MB21D2: variants seen among roughly 807,000 people sequenced by gnomAD.
MB21D2 encodes the protein Mab-21 domain containing 2.
MB21D2 carries 9 observed loss-of-function variants against 33.3 expected under a neutral mutation model. The ratio of observed to expected loss-of-function variants is 0.27; its 90% CI spans 0.16 to 0.47. The LOEUF is 0.47. Among genes scored for constraint, MB21D2 ranks in the 20% least tolerant of loss-of-function variants. The probability of loss-of-function intolerance (pLI) is 0.99; values close to 1 mark genes in which losing one functional copy is unlikely to be tolerated. For synonymous variants in MB21D2, 241 were observed against 236.3 expected, an observed-to-expected ratio of 1.02 and a Z score of -0.18; for missense variants, 540 against 624.6, an observed-to-expected ratio of 0.86 and a Z score of 1.44.
At chr3:192,826,965 C>A (rs2108618554) in intron 1 of MB21D2, among the ~76,000 whole-genome samples, 1 of 151,692 alleles carries the variant, frequency 6.6e-6, no homozygotes. Context: ...AATCTCAGCT[C>A]ACTGCAAGCT....
chr3:192,830,347 G>A lies in MB21D2; in HGVS notation c.212-30697C>T, dbSNP rs140205440. Among the ~76,000 whole-genome samples the A allele has an allele frequency of 3.3e-3, 504 of 151,958 alleles. 1 individual carries two copies. The highest frequency in any genetic ancestry group is 6.8e-3 in the African/African-American group (282 of 41,436). On this transcript the variant is annotated intron_variant, in intron 1 of 1. Transcript: ENST00000392452. ...TGAGCTCTGAATAATGCATTGACAC[G>A]TTTCATTTTAAGCACTGTTTAGGTT...
chr3:192,834,809 C>CTTTTTT lies in MB21D2; in HGVS notation c.212-35165_212-35160dup, dbSNP rs71177378. On this transcript the variant is annotated intron_variant, in intron 1 of 1. Transcript: ENST00000392452. ...GGTACAGATGTTTGAGAGGATTGTT[C>CTTTTTT]TTTTTTTTTTTTTTTTTTTTGAGAC... Among the ~76,000 whole-genome samples the CTTTTTT allele has an allele frequency of 2.5e-4, 30 of 119,832 alleles. 1 individual carries two copies. The highest frequency in any genetic ancestry group is 8.5e-4 in the African/African-American group (26 of 30,762). The allele number at this position is 119,832 out of a possible 152,430, so 78.6% of individuals were successfully genotyped here.
intron 1 of MB21D2, among the ~76,000 whole-genome samples, chr3:192,825,872 G>A (rs1712164221): frequency 6.6e-6 from 1 of 152,240 alleles, no homozygotes; most frequent in African/African-American, 2.4e-5. Flanking sequence ...GGACAATTCT[G>A]AATAAACAAG....
In MB21D2 at chr3:192,917,851, C is replaced by T. The variant is rs759585365; in HGVS notation, c.-11G>A. On this transcript the variant is annotated 5_prime_UTR_variant, in exon 1 of 2. Transcript: ENST00000392452. Reference sequence around the variant, plus strand: ...AGCCGCCATCTTCATGCAAAACGCGCCGAGTAGCAGCTCCGCGGCAGCGCG... The same window carrying T: ...AGCCGCCATCTTCATGCAAAACGCGTCGAGTAGCAGCTCCGCGGCAGCGCG... 5 of 1,605,162 alleles carry T rather than the reference C, an allele frequency of 3.1e-6. No homozygotes were observed. Among genetic ancestry groups the T allele is most frequent in the South Asian group, 2.2e-5 (2 of 90,668 alleles).
intron 1 of MB21D2, among the ~76,000 whole-genome samples, chr3:192,811,144 T>C (rs1711780302): frequency 1.3e-5 from 2 of 152,192 alleles, no homozygotes; most frequent in African/African-American, 4.8e-5. Flanking sequence ...GCAGAATCAG[T>C]AGATAAATGC....
chr3:192,884,315 T>C (rs1051796827), intron 1 of MB21D2, among the ~76,000 whole-genome samples: 2 of 152,120 alleles, frequency 1.3e-5, no homozygotes, highest in Admixed American at 6.5e-5. Flanking sequence ...GCAACTGAAA[T>C]TGAAGTGAAC....
intron 1 of MB21D2, among the ~76,000 whole-genome samples, chr3:192,861,624 T>C (rs943163799): frequency 1.3e-5 from 2 of 152,044 alleles, no homozygotes; most frequent in Admixed American, 6.5e-5. Flanking sequence ...CTGACCAACA[T>C]GGAGAAACCC....
intron 1 of MB21D2, among the ~76,000 whole-genome samples, chr3:192,820,985 C>T (rs2108616288): frequency 6.6e-6 from 1 of 152,146 alleles, no homozygotes; most frequent in Non-Finnish European, 1.5e-5. Context: ...TGAGGCTAGT[C>T]CCGAACTCCT....
At chr3:192,908,039 T>C (rs979364402) in intron 1 of MB21D2, among the ~76,000 whole-genome samples, 1 of 152,202 alleles carries the variant, frequency 6.6e-6, no homozygotes, top group Admixed American at 6.5e-5. Flanking sequence ...AGGATAGGTC[T>C]TAAGGAATGT....
chr3:192,882,974 C>A (rs545644190), intron 1 of MB21D2, among the ~76,000 whole-genome samples: 2 of 151,974 alleles, frequency 1.3e-5, no homozygotes, highest in Non-Finnish European at 2.9e-5. Flanking sequence ...CTCAGGTAAT[C>A]CACCCACCTC....
chr3:192,833,748 G>A (rs1245309068), intron 1 of MB21D2, among the ~76,000 whole-genome samples: 1 of 152,204 alleles, frequency 6.6e-6, no homozygotes, highest in Non-Finnish European at 1.5e-5. Context: ...CAATACTTTA[G>A]AGCGTGGGAT....
intron 1 of MB21D2, among the ~76,000 whole-genome samples, chr3:192,801,907 C>T (rs1193378683): frequency 2.0e-5 from 3 of 152,204 alleles, no homozygotes; most frequent in Non-Finnish European, 4.4e-5. Flanking sequence ...CAATTCTTTA[C>T]ACACAGAAAT....
chr3:192,900,388 G>A (rs1714070359), intron 1 of MB21D2, among the ~76,000 whole-genome samples: 1 of 151,592 alleles, frequency 6.6e-6, no homozygotes, highest in African/African-American at 2.4e-5. Context: ...CAGGGATGGA[G>A]AAAAAGGAGA....
chr3:192,849,275 G>A (rs910347454), intron 1 of MB21D2, among the ~76,000 whole-genome samples: 3 of 130,706 alleles, frequency 2.3e-5, no homozygotes, highest in Non-Finnish European at 4.6e-5. Flanking sequence ...TGGCTAATTC[G>A]TTAACCATCT....
At chr3:192,828,891 C>T (rs1415693147) in intron 1 of MB21D2, among the ~76,000 whole-genome samples, 1 of 151,322 alleles carries the variant, frequency 6.6e-6, no homozygotes, top group Non-Finnish European at 1.5e-5. Context: ...CCTCGTGATC[C>T]ACCCGCCTCG....
intron 1 of MB21D2, among the ~76,000 whole-genome samples, chr3:192,913,519 C>T (rs1560259932): frequency 1.3e-5 from 2 of 151,922 alleles, no homozygotes; most frequent in Non-Finnish European, 2.9e-5. Flanking sequence ...TACTGTTATC[C>T]ATGTTTAATA....
intron 1 of MB21D2, among the ~76,000 whole-genome samples, chr3:192,833,140 AAC>A (rs1180097496): frequency 6.6e-6 from 1 of 152,082 alleles, no homozygotes; most frequent in African/African-American, 2.4e-5. Context: ...AAACAACTGT[AAC>A]ACAATTTCTA....
At chr3:192,810,385 C>A (rs1174395938) in intron 1 of MB21D2, among the ~76,000 whole-genome samples, 1 of 151,942 alleles carries the variant, frequency 6.6e-6, no homozygotes, top group African/African-American at 2.4e-5. Flanking sequence ...TTAAAATGAT[C>A]CCAATTTATA....
chr3:192,818,898 T>C (rs1214872988), intron 1 of MB21D2, among the ~76,000 whole-genome samples: 2 of 152,196 alleles, frequency 1.3e-5, no homozygotes, highest in African/African-American at 2.4e-5. Context: ...TCTTAATAAA[T>C]GAATGATGAC....
Sources: allele counts gnomAD v4.1 joint callset (sites outside exome capture counted in the v4.1 genomes callset), GRCh38; gene constraint gnomAD v4.1.1; transcripts MANE v1.5; gene names NCBI Gene and HGNC (gene_info 2026-07-23, HGNC 2026-07-21).